IQGAP1: variants seen among roughly 807,000 people sequenced by gnomAD.
IQGAP1 encodes the protein ras GTPase-activating-like protein IQGAP1.
A neutral mutation model predicts 215.6 loss-of-function variants in IQGAP1; 66 were observed. That is an observed-to-expected ratio of 0.31 (90% CI 0.25 to 0.38). The LOEUF (loss-of-function observed/expected upper bound fraction) is 0.38, where lower values mean the gene tolerates loss of function less well. IQGAP1 is among the 10% of genes least tolerant of loss of function. The pLI is 1.00. For missense variants in IQGAP1, 1,712 were observed against 1,997.1 expected (o/e 0.86, Z 2.72); for synonymous variants, 772 against 728.7 (o/e 1.06, Z -0.96).
intron 5 of IQGAP1, among the ~76,000 whole-genome samples, chr15:90,437,091 TCC>T: frequency 1.8e-5 from 1 of 56,210 alleles, no homozygotes; most frequent in African/African-American, 2.0e-4. Context: ...TGGGGAGACC[TCC>T]TCAGGAAACT....
intron 2 of IQGAP1, among the ~76,000 whole-genome samples, chr15:90,422,193 G>C (rs1596258587): frequency 6.6e-6 from 1 of 152,150 alleles, no homozygotes; most frequent in African/African-American, 2.4e-5. Context: ...CTGTGAGGAG[G>C]ATTCTAAACC....
intron 15 of IQGAP1, among the ~76,000 whole-genome samples, chr15:90,458,418 T>C (rs1197185757): frequency 6.6e-6 from 1 of 152,176 alleles, no homozygotes; most frequent in Non-Finnish European, 1.5e-5. Context: ...TCTACTTCCC[T>C]TTTTAGATAT....
At chr15:90,406,813 A>G (rs973764843) in intron 2 of IQGAP1, among the ~76,000 whole-genome samples, 4 of 152,224 alleles carry the variant, frequency 2.6e-5, no homozygotes, top group African/African-American at 4.8e-5. Context: ...GATGTCCTAC[A>G]TTGGAGTTCA....
chr15:90,453,984 C>T (rs750576615), intron 13 of IQGAP1, among the ~76,000 whole-genome samples: 99 of 152,162 alleles, frequency 6.5e-4, no homozygotes, highest in Non-Finnish European at 1.3e-3. Context: ...TACGCTTTTC[C>T]CTCATCACTA....
At chr15:90,391,756 A>T (rs1170710085) in intron 2 of IQGAP1, 2 of 152,094 alleles carry the variant, frequency 1.3e-5, no homozygotes, top group Non-Finnish European at 1.5e-5. Flanking sequence ...TCATTTTGTT[A>T]TCAGTGATTC....
intron 8 of IQGAP1, among the ~76,000 whole-genome samples, chr15:90,442,181 T>C (rs927978955): frequency 4.6e-5 from 7 of 152,208 alleles, no homozygotes; most frequent in South Asian, 2.1e-4. Context: ...GTTATGGGTA[T>C]GTGGAAGTTA....
In IQGAP1 at chr15:90,466,080, A is replaced by T. The variant is rs765592447; in HGVS notation, c.1856A>T (p.Glu619Val). The T allele has an allele frequency of 1.2e-6, 2 of 1,613,980 alleles. No individual in the cohort carries two copies. The highest frequency in any genetic ancestry group is 1.7e-6 in the Non-Finnish European group (2 of 1,179,854). The change falls in exon 16 of 38, where the codon GAA becomes GTA. Residue 619 changes from glutamate to valine, a missense_variant. Around this residue, in one of 2 missense-constraint regions of IQGAP1, gnomAD observed 1,021 missense variants for 1,074.2 expected, o/e 0.95. Transcript: ENST00000268182. ...TGGCAGTCCAACAAAGACACCCAAG[A>T]AGCACAGAAGTGTATGTATCACCTG... is the stretch of plus-strand genomic sequence containing the variant. ...GIWQSNKDTQ[E>V]AQKFALGIFA...
At chr15:90,408,679 T>C (rs1199888377) in intron 2 of IQGAP1, among the ~76,000 whole-genome samples, 1 of 152,182 alleles carries the variant, frequency 6.6e-6, no homozygotes, top group Non-Finnish European at 1.5e-5. Flanking sequence ...GGCATCCCTG[T>C]CTCTACCTTC....
intron 2 of IQGAP1, chr15:90,391,099 A>G (rs3743418): frequency 0.24 from 94,884 of 402,538 alleles, 11,881 homozygotes; most frequent in Non-Finnish European, 0.27. Flanking sequence ...TTAGCCAGGC[A>G]TGGTGGTGCA....
rs1251938861 is a variant in IQGAP1 at position 90,453,207 on chromosome 15, G to A, written c.1402G>A (p.Glu468Lys). The A allele has an allele frequency of 6.2e-7, 1 of 1,613,934 alleles. No individual in the cohort carries two copies. Among genetic ancestry groups the A allele is most frequent in the Non-Finnish European group, 8.5e-7 (1 of 1,179,848 alleles). The change falls in exon 13 of 38, where the codon GAA becomes AAA. Residue 468 changes from glutamate (E) to lysine (K), a missense_variant. By Grantham distance (56) the Glu-to-Lys change is moderately conservative (BLOSUM62 1). Around this residue, in one of 2 missense-constraint regions of IQGAP1, gnomAD observed 1,021 missense variants for 1,074.2 expected, o/e 0.95. Coordinates refer to ENST00000268182, the MANE Select transcript of IQGAP1 (RefSeq NM_003870.4). ...GGTGGCCCTGATCAACAGGGCATTGGAATCAGGAGATGTGAATACAGTGTG... is the reference window on the plus strand; with the variant it reads ...GGTGGCCCTGATCAACAGGGCATTGAAATCAGGAGATGTGAATACAGTGTG... ...SSVALINRAL[E>K]SGDVNTVWKQ...
At chr15:90,442,946 TG>T (rs1441690291) in intron 8 of IQGAP1, among the ~76,000 whole-genome samples, 5 of 151,718 alleles carry the variant, frequency 3.3e-5, no homozygotes, top group Non-Finnish European at 7.4e-5. Context: ...CACTGCAGCC[TG>T]GGTGACAGAG....
Position 90,449,578 on chromosome 15 carries a change from TGCAGAAGGAGGA to T in IQGAP1, c.1100_1111del (p.Gln367_Glu370del). 1 of 1,612,894 alleles carries T rather than the reference TGCAGAAGGAGGA, an allele frequency of 6.2e-7. No individual in the cohort carries two copies. The highest frequency in any genetic ancestry group is 8.5e-7 in the Non-Finnish European group (1 of 1,179,490). ...GCTCAGAGTGGTCAGACTGACCCCC[TGCAGAAGGAGGA>T]GCTGCAGTCTGGAGTGGATGCTGCA... On this transcript the variant is annotated inframe_deletion, in exon 11 of 38. Coordinates refer to ENST00000268182, the MANE Select transcript of IQGAP1 (RefSeq NM_003870.4).
At chr15:90,457,990 C>A (rs1436930034) in intron 15 of IQGAP1, among the ~76,000 whole-genome samples, 2 of 152,152 alleles carry the variant, frequency 1.3e-5, no homozygotes, top group Non-Finnish European at 2.9e-5. Context: ...AATTTTTGAA[C>A]ATTTCATCAC....
At position 90,500,162 on chromosome 15, in the gene IQGAP1, C is replaced by G. The variant is rs879358155; in HGVS notation, c.*54C>G. On this transcript the variant is annotated 3_prime_UTR_variant, in exon 38 of 38. Transcript: ENST00000268182. ...TGAAGGAAAGAAGCACCTCACAGCTCCTTTCTAGGTCCTTCTTTCCTCATT... is the reference window on the plus strand; with the variant it reads ...TGAAGGAAAGAAGCACCTCACAGCTGCTTTCTAGGTCCTTCTTTCCTCATT... 2 of 973,454 alleles carry G rather than the reference C, an allele frequency of 2.1e-6. No homozygotes were observed. The highest frequency in any genetic ancestry group is 3.3e-6 in the Non-Finnish European group (2 of 605,372). 60.3% of individuals were successfully genotyped at this position (973,454 alleles called of 1,614,324 possible). A position where few individuals can be genotyped will look rare whatever the true frequency, so the allele number is the denominator to read the frequency against.
intron 33 of IQGAP1, among the ~76,000 whole-genome samples, chr15:90,491,013 GTT>G (rs1360590515): frequency 6.6e-5 from 10 of 152,178 alleles, no homozygotes; most frequent in African/African-American, 2.4e-4. Flanking sequence ...GTTTCACCGT[GTT>G]AGTCAGGATG....
At chr15:90,447,340 C>CT (rs796462199) in intron 9 of IQGAP1, among the ~76,000 whole-genome samples, 6 of 152,296 alleles carry the variant, frequency 3.9e-5, no homozygotes, top group African/African-American at 1.2e-4. Context: ...TTCTTCCGCC[C>CT]TTTTTTTAAA....
intron 15 of IQGAP1, 23 bp downstream of exon 15, chr15:90,456,338 T>C: frequency 6.2e-7 from 1 of 1,612,654 alleles, no homozygotes; most frequent in African/African-American, 1.3e-5. Flanking sequence ...GGAATTGTTC[T>C]TTATGTTCAG....
At chr15:90,452,028 C>T (rs1176457292) in intron 11 of IQGAP1, among the ~76,000 whole-genome samples, 1 of 152,126 alleles carries the variant, frequency 6.6e-6, no homozygotes, top group African/African-American at 2.4e-5. Flanking sequence ...CGGGGTTTCA[C>T]CGTGTTGACC....
At chr15:90,441,054 C>T (rs1368985261) in intron 7 of IQGAP1, among the ~76,000 whole-genome samples, 1 of 151,718 alleles carries the variant, frequency 6.6e-6, no homozygotes. Flanking sequence ...TTGCAGTGAG[C>T]CGAGATCATG....
Sources: gnomAD v4.1 joint callset for allele counts (sites outside exome capture counted in the v4.1 genomes callset) on GRCh38, gnomAD v4.1.1 for gene constraint, gnomAD v4.1.1 regional missense constraint, MANE v1.5 for transcripts, NCBI Gene and HGNC (gene_info 2026-07-23, HGNC 2026-07-21) for gene names.